The following ZSWIM5 variants were observed in gnomAD, a reference collection of about 807,000 sequenced individuals.
ZSWIM5 encodes zinc finger SWIM-type containing 5.
A neutral mutation model predicts 119.6 loss-of-function variants in ZSWIM5; 55 were observed. The observed-to-expected ratio is 0.46, with a 90% CI of 0.37 to 0.58. The LOEUF is 0.58. Ranked by LOEUF, ZSWIM5 falls within the 20% of genes least tolerant of loss-of-function variation. The probability of loss-of-function intolerance (pLI) is 0.00; values close to 1 mark genes in which losing one functional copy is unlikely to be tolerated. For missense variants in ZSWIM5, 1,193 were observed against 1,512.8 expected (o/e 0.79, Z 3.51); for synonymous variants, 537 against 606.9 (o/e 0.88, Z 1.69).
chr1:45,098,360 T>C (rs2149016376), intron 1 of ZSWIM5, among the ~76,000 whole-genome samples: 1 of 152,318 alleles, frequency 6.6e-6, no homozygotes. Flanking sequence ...TCCTCCACTT[T>C]AACTCCCCTA....
chr1:45,067,565 GA>G (rs1027460433), intron 2 of ZSWIM5, among the ~76,000 whole-genome samples: 1 of 152,212 alleles, frequency 6.6e-6, no homozygotes, highest in African/African-American at 2.4e-5. Context: ...AAGAAGAGGA[GA>G]AAATGTAAGA....
At chr1:45,163,482 G>A (rs1355059308) in intron 1 of ZSWIM5, among the ~76,000 whole-genome samples, 1 of 152,172 alleles carries the variant, frequency 6.6e-6, no homozygotes, top group African/African-American at 2.4e-5. Context: ...TGACTTTGAC[G>A]AGTTGAGAGA....
chr1:45,197,008 T>C (rs1167940268), intron 1 of ZSWIM5, among the ~76,000 whole-genome samples: 2 of 152,310 alleles, frequency 1.3e-5, no homozygotes, highest in African/African-American at 2.4e-5. Flanking sequence ...GAGACTTTCA[T>C]AGCTGACTAT....
intron 1 of ZSWIM5, among the ~76,000 whole-genome samples, chr1:45,150,392 T>C (rs1444513265): frequency 6.6e-6 from 1 of 152,112 alleles, no homozygotes; most frequent in Non-Finnish European, 1.5e-5. Flanking sequence ...ACATTGCTAG[T>C]AGTATGTAAA....
chr1:45,063,787 T>C (rs1234959934), intron 2 of ZSWIM5, among the ~76,000 whole-genome samples: 22 of 151,894 alleles, frequency 1.4e-4, no homozygotes, highest in Admixed American at 1.4e-3. Flanking sequence ...GGTCAGGAGA[T>C]CGAGACCATC....
chr1:45,183,089 G>C (rs1054314621), intron 1 of ZSWIM5, among the ~76,000 whole-genome samples: 29 of 152,252 alleles, frequency 1.9e-4, no homozygotes, highest in Admixed American at 1.3e-3. Context: ...TCAGGATTAA[G>C]AAACTCACTC....
chr1:45,114,752 G>A (rs1411434632), intron 1 of ZSWIM5, among the ~76,000 whole-genome samples: 1 of 151,828 alleles, frequency 6.6e-6, no homozygotes, highest in African/African-American at 2.4e-5. Flanking sequence ...ATAAACATGT[G>A]AACAAGGGTC....
chr1:45,044,665 A>G (rs577108893), intron 5 of ZSWIM5, among the ~76,000 whole-genome samples: 5 of 116,246 alleles, frequency 4.3e-5, no homozygotes, highest in Non-Finnish European at 8.7e-5. Flanking sequence ...CGGAGCTTGC[A>G]GTGAGCCGAG....
rs373503343 is a variant in ZSWIM5, at chr1:45,052,062, C to T, written c.1253-809G>A. On this transcript the variant is annotated intron_variant, in intron 4 of 13. Coordinates refer to ENST00000359600, the MANE Select transcript of ZSWIM5 (RefSeq NM_020883.2). ...CCCCCCAAGCTGGAGTGAGATGGGG[C>T]GATCTTGGCTCACTGCTGCAACCTC... is the stretch of plus-strand genomic sequence containing the variant. Among the ~76,000 whole-genome samples, 37 of 145,188 alleles carry T rather than the reference C, an allele frequency of 2.5e-4. No homozygotes were observed. The East Asian group carries it at 3.5e-3, about 14-fold the overall frequency.
intron 11 of ZSWIM5, among the ~76,000 whole-genome samples, chr1:45,024,192 C>CTTTTT (rs59909524): frequency 3.4e-4 from 44 of 129,464 alleles, no homozygotes; most frequent in South Asian, 7.3e-4. Context: ...CTTTTCTTTT[C>CTTTTT]TTTTTTTTTT....
intron 1 of ZSWIM5, among the ~76,000 whole-genome samples, chr1:45,183,129 A>C (rs557509460): frequency 6.6e-6 from 1 of 152,246 alleles, no homozygotes; most frequent in South Asian, 2.1e-4. Context: ...GAAACTGAAC[A>C]ACCTGCTCCT....
chr1:45,075,298 T>C (rs756486102), intron 2 of ZSWIM5, among the ~76,000 whole-genome samples: 3 of 150,528 alleles, frequency 2.0e-5, no homozygotes, highest in African/African-American at 5.0e-5. Context: ...CCGATGCTGA[T>C]AGCGGGGTGC....
chr1:45,064,877 T>A (rs1645174381), intron 2 of ZSWIM5, among the ~76,000 whole-genome samples: 1 of 152,234 alleles, frequency 6.6e-6, no homozygotes, highest in Admixed American at 6.5e-5. Flanking sequence ...TACAAGGCTA[T>A]ACTTTGGCCT....
rs1646185639 is a variant in ZSWIM5 at position 45,205,853 on chromosome 1, T to G, written c.498A>C (p.Ala166=). The change falls in exon 1 of 14, where the codon GCA becomes GCC. Residue 166 remains alanine (A), a synonymous_variant. Transcript: ENST00000359600. The part of the protein sequence containing the change: ...VAAGASPGLG[A]GAGAAGCGGE... Reference sequence around the variant, plus strand: ...CACCGCAGCCGGCCGCGCCGGCCCCTGCGCCCAGCCCGGGGGATGCCCCAG... The same window carrying G: ...CACCGCAGCCGGCCGCGCCGGCCCCGGCGCCCAGCCCGGGGGATGCCCCAG... 2.8e-6 allele frequency: 4 copies of G among 1,443,768 alleles called. No individual in the cohort carries two copies. The highest frequency in any genetic ancestry group is 3.2e-5 in the East Asian group (1 of 31,678). The allele number at this position is 1,443,768 out of a possible 1,614,324, so 89.4% of individuals were successfully genotyped here.
At chr1:45,027,689 C>A (rs1331113328) in intron 11 of ZSWIM5, among the ~76,000 whole-genome samples, 1 of 151,764 alleles carries the variant, frequency 6.6e-6, no homozygotes, top group East Asian at 1.9e-4. Flanking sequence ...CTGCACCTGG[C>A]CTATTTTTTG....
rs1570003283 is a variant in ZSWIM5 at position 45,036,224 on chromosome 1, T to C, written c.1970A>G (p.Tyr657Cys). 24 of 1,614,168 alleles carry C rather than the reference T, an allele frequency of 1.5e-5. No homozygotes were observed. Among genetic ancestry groups the C allele is most frequent in the Non-Finnish European group, 1.9e-5 (23 of 1,180,020 alleles). ...AAGSPNSSES[Y>C]LSLALEVALM... Reference sequence around the variant, plus strand: ...TGCAACTTCCAGGGCCAATGACAGGTAGGACTCACTGCTGTTTGGGGAGCC... The same window carrying C: ...TGCAACTTCCAGGGCCAATGACAGGCAGGACTCACTGCTGTTTGGGGAGCC... The change falls in exon 9 of 14, where the codon TAC becomes TGC. Residue 657 changes from tyrosine (Y) to cysteine (C), a missense_variant. Tyr to Cys is a radical substitution (Grantham distance 194). Around this residue, in one of 2 missense-constraint regions of ZSWIM5, gnomAD observed 961 missense variants for 1,290.0 expected, o/e 0.74. Transcript: ENST00000359600.
At chr1:45,170,312 C>T (rs1645938635) in intron 1 of ZSWIM5, among the ~76,000 whole-genome samples, 1 of 152,014 alleles carries the variant, frequency 6.6e-6, no homozygotes. Flanking sequence ...CAAAAACATA[C>T]TGAGTCACAC....
chr1:45,179,977 T>C (rs533798535), intron 1 of ZSWIM5, among the ~76,000 whole-genome samples: 2 of 152,232 alleles, frequency 1.3e-5, no homozygotes, highest in Middle Eastern at 6.8e-3. Context: ...TAGGAACAGC[T>C]CTGGTCTACA....
intron 2 of ZSWIM5, among the ~76,000 whole-genome samples, chr1:45,086,365 G>A (rs1466166351): frequency 6.6e-6 from 1 of 152,146 alleles, no homozygotes; most frequent in Non-Finnish European, 1.5e-5. Flanking sequence ...ATCCAAAAGA[G>A]AAAGGTAGTT....
Sources: allele counts gnomAD v4.1 joint callset (sites outside exome capture counted in the v4.1 genomes callset), GRCh38; gene constraint gnomAD v4.1.1; regional missense constraint gnomAD v4.1.1; transcripts MANE v1.5; gene names NCBI Gene and HGNC (gene_info 2026-07-23, HGNC 2026-07-21).